USP54: variants seen among roughly 807,000 people sequenced by gnomAD.
USP54 encodes ubiquitin specific peptidase 54, also known as ubiquitin carboxyl-terminal hydrolase 54.
Under a neutral mutation model 170.5 loss-of-function variants are expected in USP54, and 87 were observed. The ratio of observed to expected loss-of-function variants is 0.51; its 90% confidence interval spans 0.43 to 0.61. USP54 has a LOEUF of 0.61. Ranked by LOEUF, USP54 falls within the 20% of genes least tolerant of loss-of-function variation. The pLI, the probability that USP54 is intolerant of heterozygous loss-of-function variation, is 0.00. For synonymous variants in USP54, 655 were observed against 742.8 expected (o/e 0.88, Z 1.92); for missense variants, 1,786 against 2,047.8 (o/e 0.87, Z 2.47).
intron 12 of USP54, among the ~76,000 whole-genome samples, chr10:73,531,389 C>T (rs1214850952): frequency 6.6e-6 from 1 of 152,104 alleles, no homozygotes; most frequent in Non-Finnish European, 1.5e-5. Context: ...TAATCTTCCC[C>T]AGTGACCCAG....
chr10:73,502,980 A>C (rs1316487652), intron 22 of USP54, among the ~76,000 whole-genome samples: 2 of 152,314 alleles, frequency 1.3e-5, no homozygotes, highest in East Asian at 3.9e-4. Context: ...CCCAACATCC[A>C]GGCAGGCACC....
chr10:73,500,575 T>C (rs2057898528), intron 23 of USP54, 80 bp downstream of exon 23: 4 of 1,366,394 alleles, frequency 2.9e-6, no homozygotes, highest in African/African-American at 3.0e-5. Context: ...CCCCTCCCCA[T>C]AGGTATACTG....
chr10:73,544,845 C>G (rs912034803), intron 5 of USP54, among the ~76,000 whole-genome samples: 2 of 152,236 alleles, frequency 1.3e-5, no homozygotes, highest in African/African-American at 4.8e-5. Context: ...TCCCAAGTAG[C>G]TGGGACTATA....
intron 4 of USP54, among the ~76,000 whole-genome samples, chr10:73,550,601 T>C (rs2069039058): frequency 6.6e-6 from 1 of 152,204 alleles, no homozygotes; most frequent in African/African-American, 2.4e-5. Context: ...ACTAGGACAG[T>C]ACTGGCATAC....
chr10:73,624,702 A>T (rs1461779418), intron 1 of USP54, among the ~76,000 whole-genome samples: 2 of 152,234 alleles, frequency 1.3e-5, no homozygotes, highest in Non-Finnish European at 2.9e-5. Flanking sequence ...TACAAATAAC[A>T]GTTAACCAGC....
At position 73,536,285 on chromosome 10, in the gene USP54, G is replaced by A. The variant is rs761473573; in HGVS notation, c.1128C>T (p.Tyr376=). The change falls in exon 11 of 24, where the codon TAC becomes TAT. Residue 376 remains tyrosine, a synonymous_variant. Transcript: ENST00000687698. The part of the protein sequence containing the change: ...AEFQSYSRTC[Y]DSEDSGREPS... The stretch of plus-strand genomic sequence containing the variant: ...GCTGCTCACCTGAATCTTCACTGTC[G>A]TAGCATGTCCTGCTGTATGACTGGA... 42 of 1,613,958 alleles carry A rather than the reference G, an allele frequency of 2.6e-5. 1 individual carries two copies. The highest frequency in any genetic ancestry group is 2.1e-4 in the South Asian group (19 of 91,088).
At chr10:73,525,366 A>G (rs895525884) in intron 16 of USP54, among the ~76,000 whole-genome samples, 3 of 152,198 alleles carry the variant, frequency 2.0e-5, no homozygotes, top group African/African-American at 7.2e-5. Flanking sequence ...TGGCGCATAA[A>G]TAGGGCTTAT....
intron 1 of USP54, among the ~76,000 whole-genome samples, chr10:73,616,488 C>G (rs1168241479): frequency 6.7e-6 from 1 of 149,644 alleles, no homozygotes; most frequent in Admixed American, 6.6e-5. Flanking sequence ...ACAACACACA[C>G]TAGGGCCTGT....
intron 1 of USP54, among the ~76,000 whole-genome samples, chr10:73,596,975 G>A (rs1181052339): frequency 6.6e-6 from 1 of 152,088 alleles, no homozygotes; most frequent in Non-Finnish European, 1.5e-5. Flanking sequence ...TTGTGAAGAA[G>A]GAAAGGAAAT....
intron 1 of USP54, chr10:73,606,483 A>G (rs78096598): frequency 0.035 from 5,349 of 152,210 alleles, 153 homozygotes; most frequent in South Asian, 0.11. Flanking sequence ...TCAGTATAAG[A>G]TGTTGAGAGA....
At chr10:73,528,784 TA>T (rs1255548611) in intron 15 of USP54, among the ~76,000 whole-genome samples, 3 of 152,206 alleles carry the variant, frequency 2.0e-5, no homozygotes, top group Non-Finnish European at 4.4e-5. Flanking sequence ...ATGCCTGACC[TA>T]ATCTGTTCTT....
At chr10:73,514,290 C>T (rs185075054) in intron 20 of USP54, among the ~76,000 whole-genome samples, 374 of 152,204 alleles carry the variant, frequency 2.5e-3, no homozygotes, top group African/African-American at 8.5e-3. Flanking sequence ...TGGCCTGGCA[C>T]GGTGGCTCAC....
chr10:73,515,972 AG>A (rs907281898), intron 20 of USP54: 2 of 157,400 alleles, frequency 1.3e-5, no homozygotes, highest in African/African-American at 4.8e-5. Flanking sequence ...TTAGTAGAGA[AG>A]GGGTTTCACT....
intron 4 of USP54, among the ~76,000 whole-genome samples, chr10:73,547,167 C>G (rs965080259): frequency 6.6e-6 from 1 of 152,082 alleles, no homozygotes; most frequent in African/African-American, 2.4e-5. Context: ...GCCTATAATG[C>G]CAATACTTGT....
At chr10:73,551,771 A>T (rs1450141898) in intron 4 of USP54, among the ~76,000 whole-genome samples, 3 of 152,222 alleles carry the variant, frequency 2.0e-5, no homozygotes, top group African/African-American at 7.2e-5. Flanking sequence ...TTCAAAATCC[A>T]AAATTGGTTC....
chr10:73,520,964 T>C lies in USP54; in HGVS notation c.2426A>G (p.His809Arg). Residue 809 changes from histidine to arginine, a missense_variant, in exon 18 of 24, where the codon CAT becomes CGT. His to Arg is a conservative substitution (Grantham distance 29). Transcript: ENST00000687698. The stretch of plus-strand genomic sequence containing the variant: ...AGCACAGTCTCCTTTCTGTTCCAGA[T>C]GTAGTGACTCTTCAAACACTGACTC... ...EAESVFEESL[H>R]LEQKGDCAAA... The C allele has an allele frequency of 1.9e-6, 3 of 1,614,222 alleles. No homozygotes were observed. Among genetic ancestry groups the C allele is most frequent in the Non-Finnish European group, 2.5e-6 (3 of 1,180,030 alleles).
intron 4 of USP54, among the ~76,000 whole-genome samples, chr10:73,559,928 C>T (rs534305372): frequency 2.2e-4 from 33 of 151,320 alleles, no homozygotes; most frequent in African/African-American, 7.5e-4. Flanking sequence ...AAATTAGCCA[C>T]CACCTACTGG....
chr10:73,583,245 T>C (rs919694526), intron 1 of USP54, among the ~76,000 whole-genome samples: 12 of 152,228 alleles, frequency 7.9e-5, no homozygotes, highest in African/African-American at 7.2e-5. Flanking sequence ...AAAAGAACAA[T>C]GCAGCTTGTG....
At chr10:73,571,960 G>T (rs2075278088) in intron 3 of USP54, among the ~76,000 whole-genome samples, 1 of 152,174 alleles carries the variant, frequency 6.6e-6, no homozygotes, top group South Asian at 2.1e-4. Context: ...TCTAAGAGAA[G>T]TGTGATCTCC....
Sources: allele counts gnomAD v4.1 joint callset (sites outside exome capture counted in the v4.1 genomes callset), GRCh38; gene constraint gnomAD v4.1.1; transcripts MANE v1.5; gene names NCBI Gene and HGNC (gene_info 2026-07-23, HGNC 2026-07-21).